ARHGEF19: variants seen among roughly 807,000 people sequenced by gnomAD.
ARHGEF19 encodes Rho guanine nucleotide exchange factor 19, also known as Rho guanine nucleotide exchange factor (GEF) 19.
Under a neutral mutation model 87.6 loss-of-function variants are expected in ARHGEF19, and 92 were observed. The ratio of observed to expected loss-of-function variants is 1.05; its 90% CI spans 0.89 to 1.25. The LOEUF (loss-of-function observed/expected upper bound fraction) is 1.25, where lower values mean the gene tolerates loss of function less well. Among genes scored for constraint, ARHGEF19 ranks in the 50% most tolerant of loss-of-function variants. The pLI is 0.00. For synonymous variants in ARHGEF19, 438 were observed against 446.2 expected (o/e 0.98, Z 0.23); for missense variants, 1,054 against 1,051.8 (o/e 1.00, Z -0.03).
intron 12 of ARHGEF19, among the ~76,000 whole-genome samples, chr1:16,203,457 T>A (rs1222738544): frequency 6.6e-6 from 1 of 151,980 alleles, no homozygotes; most frequent in Admixed American, 6.6e-5. Context: ...GCATCTACCC[T>A]CTCCTGAGCA....
At position 16,207,709 on chromosome 1, in the gene ARHGEF19, C is replaced by T; in HGVS notation, c.763G>A (p.Gly255Ser). The T allele has an allele frequency of 3.7e-6, 6 of 1,614,028 alleles. No homozygotes were observed. The highest frequency in any genetic ancestry group is 5.1e-6 in the Non-Finnish European group (6 of 1,180,030). ...SGDRVSRPAP[G>S]DSREGDWSEP... Reference sequence around the variant, plus strand: ...GACCAATCGCCCTCTCGTGAGTCACCAGGGGCTGGCCGCGACACCCGGTCC... The same window carrying T: ...GACCAATCGCCCTCTCGTGAGTCACTAGGGGCTGGCCGCGACACCCGGTCC... The change falls in exon 4 of 16, where the codon GGT (glycine) becomes AGT (serine). Residue 255 changes from glycine (G) to serine (S), a missense_variant. Transcript: ENST00000270747. The surrounding 1 kb of genome is among the most constrained non-coding windows in gnomAD (Gnocchi z 4.0).
rs768898944 is a variant in ARHGEF19, at chr1:16,202,439, C to T, written c.2043G>A (p.Gln681=). 8.7e-6 allele frequency: 14 copies of T among 1,613,988 alleles called. No individual in the cohort carries two copies. Among genetic ancestry groups the T allele is most frequent in the Non-Finnish European group, 1.1e-5 (13 of 1,179,954 alleles). ...QLLHGQHMKH[Q]FLLRARTESE... is the part of the protein sequence containing the mutation. Reference sequence around the variant, plus strand: ...ACTCCGTCCGGGCCCGCAGCAGGAACTGGTGCTTCATGTGCTGCCCGTGGA... The same window carrying T: ...ACTCCGTCCGGGCCCGCAGCAGGAATTGGTGCTTCATGTGCTGCCCGTGGA... The change falls in exon 13 of 16, where the codon CAG becomes CAA. Residue 681 remains glutamine (Q), a synonymous_variant. Coordinates refer to ENST00000270747, the MANE Select transcript of ARHGEF19 (RefSeq NM_153213.5).
At position 16,198,297 on chromosome 1, in the gene ARHGEF19, T is replaced by G; in HGVS notation, c.*290A>C. The G allele has an allele frequency of 7.1e-6, 2 of 280,644 alleles. No homozygotes were observed. The highest frequency in any genetic ancestry group is 1.3e-5 in the Non-Finnish European group (2 of 151,600). 17.4% of individuals were successfully genotyped at this position (280,644 alleles called of 1,614,324 possible). A position where few individuals can be genotyped will look rare whatever the true frequency, so the allele number is the denominator to read the frequency against. ...CAAGAGTCAGGCAGGATTGAGGACATAGAAAGGAGAGGGCCCCAGTCTTTG... is the reference window on the plus strand; with the variant it reads ...CAAGAGTCAGGCAGGATTGAGGACAGAGAAAGGAGAGGGCCCCAGTCTTTG... On this transcript the variant is annotated 3_prime_UTR_variant, in exon 16 of 16. Transcript: ENST00000270747. This position sits in a 1 kb window ranked among gnomAD's most constrained non-coding sequence, Gnocchi z 4.1.
In ARHGEF19 at chr1:16,208,696, CG is replaced by C; in HGVS notation, c.358del (p.Arg120AspfsTer41). The C allele has an allele frequency of 6.2e-7, 1 of 1,607,748 alleles. No homozygotes were observed. The highest frequency in any genetic ancestry group is 8.5e-7 in the Non-Finnish European group (1 of 1,178,032). ...GGCCCGGCGCTGTGGCTGTGTGTGT[CG>C]GGGACTCCAGGGTCCCTCCAGAGCT... is the stretch of plus-strand genomic sequence containing the variant. ...PPALEGPWSP[R>X]HTQPQRRASH... On this transcript the variant is annotated frameshift_variant, in exon 2 of 16. Coordinates refer to ENST00000270747, the MANE Select transcript of ARHGEF19 (RefSeq NM_153213.5). LOFTEE classifies it high-confidence loss of function.
Position 16,202,552 on chromosome 1 carries a change from C to A in ARHGEF19, c.1930G>T (p.Val644Phe), listed in dbSNP as rs747791645. The change falls in exon 13 of 16, where the codon GTC becomes TTC. Residue 644 changes from valine (V) to phenylalanine (F), a missense_variant. Physicochemically the swap from Val to Phe is conservative, Grantham distance 50. Transcript: ENST00000270747. ...RKELGKFAVF[V>F]HAKMAELQVR... ...TGCAGCTCAGCCATCTTGGCATGGA[C>A]GAAAACGGCAAACTTCCCTAGCCTG... is the stretch of plus-strand genomic sequence containing the variant. 6.2e-7 allele frequency: 1 copy of A among 1,613,640 alleles called. No homozygotes were observed. Among genetic ancestry groups the A allele is most frequent in the Admixed American group, 1.7e-5 (1 of 59,986 alleles).
In ARHGEF19 at chr1:16,208,155, C is replaced by T. The variant is rs1005177187; in HGVS notation, c.483G>A (p.Glu161=). ...CCTGCTCTTGCACTACCTGGCCAGG[C>T]TCTAGGAAGACAGCGTGGGCCTCGG... ...GCPEAHAVFL[E]PGQVVQEQAL... is the part of the protein sequence containing the mutation. The change falls in exon 3 of 16, where the codon GAG becomes GAA. Residue 161 remains glutamate (E), a synonymous_variant. Coordinates refer to ENST00000270747, the MANE Select transcript of ARHGEF19 (RefSeq NM_153213.5). 1.2e-6 allele frequency: 2 copies of T among 1,613,374 alleles called. No individual in the cohort carries two copies. Among genetic ancestry groups the T allele is most frequent in the African/African-American group, 2.7e-5 (2 of 75,036 alleles).
In ARHGEF19 at chr1:16,198,065, G is replaced by C. The variant is rs1449303500; in HGVS notation, c.*522C>G. The C allele has an allele frequency of 6.6e-6, 1 of 152,322 alleles. No individual in the cohort carries two copies. Among genetic ancestry groups the C allele is most frequent in the East Asian group, 1.9e-4 (1 of 5,186 alleles). 9.4% of individuals were successfully genotyped at this position (152,322 alleles called of 1,614,324 possible). On this transcript the variant is annotated 3_prime_UTR_variant, in exon 16 of 16. Transcript: ENST00000270747. The surrounding 1 kb of genome is among the most constrained non-coding windows in gnomAD (Gnocchi z 4.1). ...CTTTAGCTGGGAAAATAGGACTGTGGGGGTGGGGGCAGCATCAGATGGATC... is the reference window on the plus strand; with the variant it reads ...CTTTAGCTGGGAAAATAGGACTGTGCGGGTGGGGGCAGCATCAGATGGATC...
chr1:16,199,139 G>A lies in ARHGEF19; in HGVS notation c.2251+11C>T. 6.2e-7 allele frequency: 1 copy of A among 1,613,586 alleles called. No individual in the cohort carries two copies. The highest frequency in any genetic ancestry group is 1.1e-5 in the South Asian group (1 of 91,054). On this transcript the variant is annotated intron_variant, in intron 15 of 15. Coordinates refer to ENST00000270747, the MANE Select transcript of ARHGEF19 (RefSeq NM_153213.5). ...CCCCATCAGGGACACTTTCCCAGGA[G>A]GCCCCCTCACCGTCACTGGTCCAGG...
chr1:16,211,243 C>T (rs767549677), intron 1 of ARHGEF19, among the ~76,000 whole-genome samples: 1 of 152,050 alleles, frequency 6.6e-6, no homozygotes, highest in African/African-American at 2.4e-5. Context: ...CACATTATAT[C>T]GCAGGAGTGT....
rs780545508 is a variant in ARHGEF19 at position 16,205,383 on chromosome 1, T to C, written c.1624A>G (p.Met542Val). ...RTAQGSEDED[M>V]ATKAFNALKE... ...AGCGCATTGAAGGCCTTGGTGGCCA[T>C]GTCTTCGTCTTCAGAGCCCTGTGCT... The change falls in exon 10 of 16, where the codon ATG becomes GTG. Residue 542 changes from methionine to valine, a missense_variant. Coordinates refer to ENST00000270747, the MANE Select transcript of ARHGEF19 (RefSeq NM_153213.5). This position sits in a 1 kb window ranked among gnomAD's most constrained non-coding sequence, Gnocchi z 5.8. 6.2e-7 allele frequency: 1 copy of C among 1,613,570 alleles called. No individual in the cohort carries two copies. The highest frequency in any genetic ancestry group is 1.7e-5 in the Admixed American group (1 of 59,962).
chr1:16,204,607 A>C, intron 12 of ARHGEF19, 152 bp downstream of exon 12: 1 of 883,670 alleles, frequency 1.1e-6, no homozygotes, highest in Non-Finnish European at 1.6e-6. Flanking sequence ...CCTTTGCTTC[A>C]GGAGCCTCCA....
intron 14 of ARHGEF19, among the ~76,000 whole-genome samples, chr1:16,201,171 A>C (rs984154823): frequency 6.6e-6 from 1 of 150,514 alleles, no homozygotes; most frequent in Non-Finnish European, 1.5e-5. Flanking sequence ...ACAGTGATCC[A>C]TGATCATGCC....
chr1:16,208,026 C>T lies in ARHGEF19; in HGVS notation c.612G>A (p.Arg204=). Reference sequence around the variant, plus strand: ...GCCCCAGGCGCAGAGAAGAGTGCAGCCGGGTCATCAGCTCCGATGCCGAGA... The same window carrying T: ...GCCCCAGGCGCAGAGAAGAGTGCAGTCGGGTCATCAGCTCCGATGCCGAGA... ...RRFSASELMT[R]LHSSLRLGRN... Residue 204 remains arginine, a synonymous_variant, in exon 3 of 16, where the codon CGG becomes CGA. Coordinates refer to ENST00000270747, the MANE Select transcript of ARHGEF19 (RefSeq NM_153213.5). 2 of 1,613,562 alleles carry T rather than the reference C, an allele frequency of 1.2e-6. No homozygotes were observed. Among genetic ancestry groups the T allele is most frequent in the Non-Finnish European group, 1.7e-6 (2 of 1,179,984 alleles).
chr1:16,207,713 GGCTGGCCGCGACACC>G lies in ARHGEF19; in HGVS notation c.744_758del (p.Val249_Ala253del). 6.2e-7 allele frequency: 1 copy of G among 1,614,008 alleles called. No homozygotes were observed. The highest frequency in any genetic ancestry group is 8.5e-7 in the Non-Finnish European group (1 of 1,180,026). On this transcript the variant is annotated inframe_deletion, in exon 4 of 16. Transcript: ENST00000270747. The surrounding 1 kb of genome is among the most constrained non-coding windows in gnomAD (Gnocchi z 4.0). ...AATCGCCCTCTCGTGAGTCACCAGG[GGCTGGCCGCGACACC>G]CGGTCCCCGCTCATCTCTACACTTC...
chr1:16,206,405 C>T lies in ARHGEF19; in HGVS notation c.1138-65G>A, dbSNP rs1400291466. ...GTTCACCTCGGAGGCCCTGGCCTCACATCCCCAGACCCCAGGACGCCACAC... is the reference window on the plus strand; with the variant it reads ...GTTCACCTCGGAGGCCCTGGCCTCATATCCCCAGACCCCAGGACGCCACAC... On this transcript the variant is annotated intron_variant, in intron 6 of 15. Coordinates refer to ENST00000270747, the MANE Select transcript of ARHGEF19 (RefSeq NM_153213.5). This position sits in a 1 kb window ranked among gnomAD's most constrained non-coding sequence, Gnocchi z 4.6. The T allele has an allele frequency of 3.6e-5, 55 of 1,524,816 alleles. No individual in the cohort carries two copies. Among genetic ancestry groups the T allele is most frequent in the Non-Finnish European group, 4.8e-5 (54 of 1,122,502 alleles). The allele number at this position is 1,524,816 out of a possible 1,614,324, so 94.5% of individuals were successfully genotyped here.
At position 16,205,950 on chromosome 1, in the gene ARHGEF19, G is replaced by T; in HGVS notation, c.1432C>A (p.Arg478Ser). The T allele has an allele frequency of 6.2e-7, 1 of 1,610,484 alleles. No individual in the cohort carries two copies. Residue 478 changes from arginine to serine, a missense_variant, in exon 8 of 16, where the codon CGC becomes AGC. Transcript: ENST00000270747. This position sits in a 1 kb window ranked among gnomAD's most constrained non-coding sequence, Gnocchi z 5.8. ...CCCTACAGCAGGCGCTGGTAGGTGCGCTCCTGGTAGGCCTGGTTGGTGACA... is the reference window on the plus strand; with the variant it reads ...CCCTACAGCAGGCGCTGGTAGGTGCTCTCCTGGTAGGCCTGGTTGGTGACA... ...PYVTNQAYQE[R>S]TYQRLLLENP...
intron 12 of ARHGEF19, among the ~76,000 whole-genome samples, chr1:16,204,485 T>C (rs1450430152): frequency 1.3e-5 from 2 of 152,222 alleles, no homozygotes; most frequent in African/African-American, 2.4e-5. Context: ...TCTAGGGCTA[T>C]GCTCTTAGTC....
chr1:16,201,652 A>G (rs1268782573), intron 14 of ARHGEF19, 130 bp downstream of exon 14: 3 of 901,492 alleles, frequency 3.3e-6, no homozygotes, highest in Admixed American at 2.8e-5. Flanking sequence ...CCTCAGAGCT[A>G]CCCCTGACTG....
At chr1:16,212,088 C>A (rs1253536764) in intron 1 of ARHGEF19, among the ~76,000 whole-genome samples, 1 of 152,200 alleles carries the variant, frequency 6.6e-6, no homozygotes, top group African/African-American at 2.4e-5. Context: ...TGTCTCTGGG[C>A]CAAGAAGGAT....
Sources: allele counts gnomAD v4.1 joint callset (sites outside exome capture counted in the v4.1 genomes callset), GRCh38; gene constraint gnomAD v4.1.1; non-coding constraint Gnocchi (gnomAD v3.1); transcripts MANE v1.5; gene names NCBI Gene and HGNC (gene_info 2026-07-23, HGNC 2026-07-21).